The following SOX5 variants were observed in gnomAD, a reference collection of about 807,000 sequenced individuals.
SOX5 encodes SRY-box transcription factor 5.
A neutral mutation model predicts 92.0 loss-of-function variants in SOX5; 9 were observed. The observed-to-expected ratio is 0.10, with a 90% CI of 0.06 to 0.17. The LOEUF (loss-of-function observed/expected upper bound fraction) is 0.17, where lower values mean the gene tolerates loss of function less well. Ranked by LOEUF, SOX5 falls within the 10% of genes least tolerant of loss-of-function variation. SOX5 has a pLI of 1.00. For missense variants in SOX5, 642 were observed against 944.5 expected (o/e 0.68, Z 4.20); for synonymous variants, 344 against 336.3 (o/e 1.02, Z -0.25).
At position 24,139,891 on chromosome 12, in the gene SOX5, C is replaced by T. The variant is rs187736140; in HGVS notation, c.-2+73452G>A. Among the ~76,000 whole-genome samples the T allele has an allele frequency of 5.5e-4, 83 of 152,258 alleles. No individual in the cohort carries two copies. The Middle Eastern group carries it at 0.01, about 19-fold the overall frequency. On this transcript the variant is annotated intron_variant, in intron 4 of 4. Coordinates refer to the SOX5 transcript ENST00000446891. Reference sequence around the variant, plus strand: ...TGCCCTCTGCCTGGATAAGATGATACTTTCCTTAGGATATACGAATGAATA... The same window carrying T: ...TGCCCTCTGCCTGGATAAGATGATATTTTCCTTAGGATATACGAATGAATA...
intron 4 of SOX5, among the ~76,000 whole-genome samples, chr12:24,074,902 TTTTG>T (rs1942340950): frequency 1.4e-5 from 2 of 145,734 alleles, no homozygotes; most frequent in Admixed American, 7.0e-5. Context: ...GTTTGTTTTA[TTTTG>T]TTTTTTTTTT....
intron 2 of SOX5, among the ~76,000 whole-genome samples, chr12:24,285,774 C>T (rs775319189): frequency 1.4e-4 from 22 of 152,254 alleles, no homozygotes; most frequent in Middle Eastern, 3.4e-3. Context: ...GACTGATGTT[C>T]AATGGCTCTT....
chr12:24,218,789 C>T (rs1959679338), intron 3 of SOX5, among the ~76,000 whole-genome samples: 1 of 151,798 alleles, frequency 6.6e-6, no homozygotes, highest in African/African-American at 2.4e-5. Flanking sequence ...CAGATTACTC[C>T]CTGATACATA....
At chr12:23,738,700 GC>G (rs2093691158) in intron 5 of SOX5, among the ~76,000 whole-genome samples, 1 of 152,138 alleles carries the variant, frequency 6.6e-6, no homozygotes, top group South Asian at 2.1e-4. Flanking sequence ...GGACATGTGT[GC>G]CCTCAGACCC....
chr12:23,606,253 C>T (rs2075244745), intron 8 of SOX5, among the ~76,000 whole-genome samples: 1 of 151,726 alleles, frequency 6.6e-6, no homozygotes, highest in Non-Finnish European at 1.5e-5. Context: ...AATGCATGTA[C>T]TAATATTGAA....
chr12:23,572,852 T>A (rs1486447197), intron 10 of SOX5, among the ~76,000 whole-genome samples: 2 of 152,212 alleles, frequency 1.3e-5, no homozygotes, highest in East Asian at 1.9e-4. Flanking sequence ...GAAACCTTTT[T>A]CAAACTTCTC....
intron 9 of SOX5, among the ~76,000 whole-genome samples, chr12:23,587,864 C>T (rs1245799644): frequency 1.3e-5 from 2 of 151,998 alleles, no homozygotes; most frequent in Non-Finnish European, 2.9e-5. Flanking sequence ...GACCTTTAGC[C>T]CACTTACTGG....
intron 4 of SOX5, among the ~76,000 whole-genome samples, chr12:23,972,575 TCTCGAA>T (rs1569333512): frequency 1.3e-5 from 2 of 152,100 alleles, no homozygotes; most frequent in African/African-American, 2.4e-5. Context: ...GCCAGGCTAG[TCTCGAA>T]CTCCTAACCT....
At chr12:24,486,304 G>A (rs913725923) in intron 1 of SOX5, among the ~76,000 whole-genome samples, 6 of 152,070 alleles carry the variant, frequency 3.9e-5, no homozygotes, top group South Asian at 2.1e-4. Context: ...AAGTAACCTG[G>A]TCCAGCCACT....
intron 4 of SOX5, among the ~76,000 whole-genome samples, chr12:24,184,085 G>T (rs186240920): frequency 6.6e-6 from 1 of 151,960 alleles, no homozygotes. Context: ...TTTGATTCTG[G>T]TTTTTCAGTA....
At chr12:24,349,064 T>C (rs1953717860) in intron 2 of SOX5, among the ~76,000 whole-genome samples, 3 of 152,210 alleles carry the variant, frequency 2.0e-5, no homozygotes, top group African/African-American at 7.2e-5. Context: ...ACAGCTTCCT[T>C]TTCATTTAAA....
chr12:24,419,568 T>C (rs1282339409), intron 1 of SOX5, among the ~76,000 whole-genome samples: 1 of 152,214 alleles, frequency 6.6e-6, no homozygotes, highest in Admixed American at 6.5e-5. Context: ...TCATCACCAG[T>C]CATCATTTTG....
intron 4 of SOX5, among the ~76,000 whole-genome samples, chr12:24,173,082 G>C (rs1234934744): frequency 6.6e-6 from 1 of 152,170 alleles, no homozygotes; most frequent in Non-Finnish European, 1.5e-5. Context: ...TTCCAAAAGG[G>C]TGGTCCAGAG....
chr12:24,234,018 T>C (rs1963945463), intron 3 of SOX5, among the ~76,000 whole-genome samples: 2 of 151,784 alleles, frequency 1.3e-5, no homozygotes, highest in Admixed American at 1.3e-4. Flanking sequence ...TCATATCCAA[T>C]TTGGTCTGTC....
At chr12:23,672,028 A>C (rs549629954) in intron 6 of SOX5, among the ~76,000 whole-genome samples, 1 of 152,126 alleles carries the variant, frequency 6.6e-6, no homozygotes, top group Non-Finnish European at 1.5e-5. Context: ...TAATAGAAAG[A>C]CAGATGGTTC....
rs73280144 is a variant in SOX5, at chr12:23,885,058, C to G, written c.270+10735G>C. ...TCAGATACACAAGCATGTTCTCCAG[C>G]TCCCATGTCCCTAGCGGTGCAAAGC... On this transcript the variant is annotated intron_variant, in intron 2 of 14. Coordinates refer to ENST00000451604, the MANE Select transcript of SOX5 (RefSeq NM_006940.6). 3.5e-3 allele frequency among the ~76,000 whole-genome samples: 532 copies of G among 152,230 alleles called. 2 individuals carry two copies. The highest frequency in any genetic ancestry group is 0.012 in the African/African-American group (505 of 41,532).
intron 11 of SOX5, among the ~76,000 whole-genome samples, chr12:23,556,431 C>T (rs543931548): frequency 5.3e-5 from 8 of 152,094 alleles, no homozygotes; most frequent in Middle Eastern, 3.4e-3. Context: ...CACTTTAAAA[C>T]GAGAAAATAT....
Position 23,994,592 on chromosome 12 carries a change from C to G in SOX5, c.-1-98568G>C, listed in dbSNP as rs16926947. On this transcript the variant is annotated intron_variant, in intron 4 of 4. Transcript: ENST00000446891. ...TTTCTCCGTAATTTTGCCCTAACTT[C>G]TTATTGTCTGTATATTCATTTTTCC... is the stretch of plus-strand genomic sequence containing the variant. Among the ~76,000 whole-genome samples, 1,260 of 152,192 alleles carry G rather than the reference C, an allele frequency of 8.3e-3. 23 individuals carry two copies. The highest frequency in any genetic ancestry group is 0.029 in the African/African-American group (1,200 of 41,524).
At chr12:24,443,061 C>T (rs1036194171) in intron 1 of SOX5, among the ~76,000 whole-genome samples, 17 of 148,264 alleles carry the variant, frequency 1.1e-4, no homozygotes, top group Non-Finnish European at 2.2e-4. Context: ...AAGCAATTCT[C>T]CTGCCTCAGC....
Sources: allele counts gnomAD v4.1 joint callset (sites outside exome capture counted in the v4.1 genomes callset), GRCh38; gene constraint gnomAD v4.1.1; transcripts MANE v1.5; gene names NCBI Gene and HGNC (gene_info 2026-07-23, HGNC 2026-07-21).